NCS1: variants seen among roughly 807,000 people sequenced by gnomAD.
NCS1 encodes frequenin homolog.
Under a neutral mutation model 28.4 loss-of-function variants are expected in NCS1, and 6 were observed. That is an observed-to-expected ratio of 0.21 (90% CI 0.12 to 0.42). The LOEUF (loss-of-function observed/expected upper bound fraction) is 0.42, where lower values mean the gene tolerates loss of function less well. Among genes scored for constraint, NCS1 ranks in the 10% least tolerant of loss-of-function variants. NCS1 has a pLI of 1.00. For synonymous variants in NCS1, 86 were observed against 99.3 expected (o/e 0.87, Z 0.79); for missense variants, 131 against 241.4 (o/e 0.54, Z 3.03).
intron 2 of NCS1, among the ~76,000 whole-genome samples, chr9:130,203,164 T>TCTCTCTGC (rs1832980863): frequency 6.7e-6 from 1 of 148,200 alleles, no homozygotes; most frequent in Non-Finnish European, 1.5e-5. Flanking sequence ...TGAGACAGAG[T>TCTCTCTGC]CTCTCTGCTC....
chr9:130,222,303 G>A (rs1588124975), intron 4 of NCS1, among the ~76,000 whole-genome samples: 2 of 151,338 alleles, frequency 1.3e-5, no homozygotes, highest in African/African-American at 4.9e-5. Context: ...TACAGGCACC[G>A]CCACCAGGCC....
rs1161864565 is a variant in NCS1, at chr9:130,226,246, C to T, written c.475-143C>T. Reference sequence around the variant, plus strand: ...CATGAGTGCCGAGGTCTGTCTGGTGCTGGCTGCTTGTAGGCCCTGAGCCAC... The same window carrying T: ...CATGAGTGCCGAGGTCTGTCTGGTGTTGGCTGCTTGTAGGCCCTGAGCCAC... On this transcript the variant is annotated intron_variant, in intron 6 of 7. Coordinates refer to ENST00000372398, the MANE Select transcript of NCS1 (RefSeq NM_014286.4). The surrounding 1 kb of genome is among the most constrained non-coding windows in gnomAD (Gnocchi z 4.8). 3 of 708,002 alleles carry T rather than the reference C, an allele frequency of 4.2e-6. No homozygotes were observed. The highest frequency in any genetic ancestry group is 1.8e-5 in the African/African-American group (1 of 57,064). The allele number at this position is 708,002 out of a possible 1,614,324, so 43.9% of individuals were successfully genotyped here.
intron 2 of NCS1, among the ~76,000 whole-genome samples, chr9:130,203,491 G>T (rs1554907700): frequency 6.6e-6 from 1 of 152,192 alleles, no homozygotes; most frequent in Non-Finnish European, 1.5e-5. Context: ...ATCTCCCAAG[G>T]AGGGCCAGGG....
At chr9:130,198,035 C>G (rs13296205) in intron 1 of NCS1, among the ~76,000 whole-genome samples, 10,116 of 151,562 alleles carry the variant, frequency 0.067, 418 homozygotes, top group Middle Eastern at 0.11. Flanking sequence ...TGGGCCCTGG[C>G]TGGGTGCCAG....
At chr9:130,203,152 C>G (rs1286104467) in intron 2 of NCS1, among the ~76,000 whole-genome samples, 1 of 71,438 alleles carries the variant, frequency 1.4e-5, no homozygotes, top group Non-Finnish European at 3.1e-5. Flanking sequence ...TTTTTTTTTT[C>G]TTGAGACAGA....
Position 130,204,117 on chromosome 9 carries a change from C to T in NCS1, c.89+3135C>T, listed in dbSNP as rs372982784. Among the ~76,000 whole-genome samples the T allele has an allele frequency of 2.0e-3, 301 of 152,184 alleles. 1 individual carries two copies. The highest frequency in any genetic ancestry group is 7.1e-3 in the African/African-American group (293 of 41,504). Reference sequence around the variant, plus strand: ...ATGCGAATCTCCTGCCTCAGCCTCCCAAGTAGCTGGGATTACAGGTGCACA... The same window carrying T: ...ATGCGAATCTCCTGCCTCAGCCTCCTAAGTAGCTGGGATTACAGGTGCACA... On this transcript the variant is annotated intron_variant, in intron 2 of 7. Transcript: ENST00000372398.
At chr9:130,220,030 G>C (rs1369575692) in intron 4 of NCS1, among the ~76,000 whole-genome samples, 1 of 152,254 alleles carries the variant, frequency 6.6e-6, no homozygotes, top group African/African-American at 2.4e-5. Flanking sequence ...GAGCAGCGCA[G>C]ACATCTGTGC....
chr9:130,173,461 GC>G (rs1440151111), intron 1 of NCS1, among the ~76,000 whole-genome samples: 1 of 152,154 alleles, frequency 6.6e-6, no homozygotes, highest in Non-Finnish European at 1.5e-5. Context: ...CCCTCCACTT[GC>G]CTAACTTCAC....
At chr9:130,206,705 C>T (rs117321431) in intron 2 of NCS1, among the ~76,000 whole-genome samples, 203 of 152,212 alleles carry the variant, frequency 1.3e-3, no homozygotes, top group Non-Finnish European at 2.2e-3. Context: ...CCACCGCGCC[C>T]GGCCCCGTTC....
intron 2 of NCS1, among the ~76,000 whole-genome samples, chr9:130,210,172 G>A (rs1564710305): frequency 6.6e-6 from 1 of 151,982 alleles, no homozygotes. Context: ...AGGTTGAGGC[G>A]GCCAGATCAT....
chr9:130,175,225 A>G lies in NCS1; in HGVS notation c.64+2498A>G, dbSNP rs1832547847. On this transcript the variant is annotated intron_variant, in intron 1 of 7. Transcript: ENST00000372398. This position sits in a 1 kb window ranked among gnomAD's most constrained non-coding sequence, Gnocchi z 4.9. The stretch of plus-strand genomic sequence containing the variant: ...CCTTTAGTAGGTTCACAGAATGAAA[A>G]GTCTCCCAACAGGACAAGCAGAGAA... Among the ~76,000 whole-genome samples the G allele has an allele frequency of 6.6e-6, 1 of 152,078 alleles. No individual in the cohort carries two copies. Among genetic ancestry groups the G allele is most frequent in the South Asian group, 2.1e-4 (1 of 4,828 alleles).
In NCS1 at chr9:130,176,677, G is replaced by A. The variant is rs140448035; in HGVS notation, c.64+3950G>A. Reference sequence around the variant, plus strand: ...AATCCCAGCAGGGGCCTGCTCTTACGTGTAGCGGCCTCCGCAGCCCCACTT... The same window carrying A: ...AATCCCAGCAGGGGCCTGCTCTTACATGTAGCGGCCTCCGCAGCCCCACTT... On this transcript the variant is annotated intron_variant, in intron 1 of 7. Coordinates refer to ENST00000372398, the MANE Select transcript of NCS1 (RefSeq NM_014286.4). Among the ~76,000 whole-genome samples, 8 of 152,324 alleles carry A rather than the reference G, an allele frequency of 5.3e-5. No individual in the cohort carries two copies. In the East Asian group the frequency reaches 7.7e-4, roughly 15 times the overall value.
At chr9:130,185,195 G>A (rs1280220992) in intron 1 of NCS1, among the ~76,000 whole-genome samples, 1 of 152,152 alleles carries the variant, frequency 6.6e-6, no homozygotes, top group African/African-American at 2.4e-5. Flanking sequence ...ATGTTTCATA[G>A]TCCCCCTTGA....
chr9:130,183,471 G>C (rs1483197034), intron 1 of NCS1, among the ~76,000 whole-genome samples: 2 of 152,182 alleles, frequency 1.3e-5, no homozygotes, highest in Non-Finnish European at 2.9e-5. Flanking sequence ...TGGCTTTGAG[G>C]AATGTTTAAC....
chr9:130,211,764 C>T (rs1014165153), intron 2 of NCS1, among the ~76,000 whole-genome samples: 1 of 152,108 alleles, frequency 6.6e-6, no homozygotes, highest in Non-Finnish European at 1.5e-5. Flanking sequence ...CAGGAGTGGG[C>T]GGTGCAGGTT....
At chr9:130,199,897 G>GTTCA (rs71499223) in intron 1 of NCS1, among the ~76,000 whole-genome samples, 6,808 of 150,592 alleles carry the variant, frequency 0.045, 211 homozygotes, top group South Asian at 0.06. Flanking sequence ...CTGTTCATGT[G>GTTCA]TTCATTCATT....
At chr9:130,210,100 G>C (rs1833091924) in intron 2 of NCS1, among the ~76,000 whole-genome samples, 1 of 152,108 alleles carries the variant, frequency 6.6e-6, no homozygotes, top group Non-Finnish European at 1.5e-5. Flanking sequence ...AGGAGACTGG[G>C]TATTAGGAAG....
Position 130,186,914 on chromosome 9 carries a change from A to G in NCS1, c.65-14044A>G, listed in dbSNP as rs539238060. Among the ~76,000 whole-genome samples the G allele has an allele frequency of 6.6e-6, 1 of 152,342 alleles. No individual in the cohort carries two copies. Among genetic ancestry groups the G allele is most frequent in the South Asian group, 2.1e-4 (1 of 4,832 alleles). On this transcript the variant is annotated intron_variant, in intron 1 of 7. Transcript: ENST00000372398. This position sits in a 1 kb window ranked among gnomAD's most constrained non-coding sequence, Gnocchi z 4.1. ...CACGAGGGGCACTGACGAGCGATTG[A>G]GCAGCTCAGAGGTGAGCTTATGTGG...
intron 1 of NCS1, among the ~76,000 whole-genome samples, chr9:130,197,039 C>T (rs2058365): frequency 0.95 from 144,681 of 152,310 alleles, 68,739 homozygotes; most frequent in East Asian, 1. Flanking sequence ...TCCCACAGCC[C>T]GGATTTGTCT....
Sources: allele counts gnomAD v4.1 joint callset (sites outside exome capture counted in the v4.1 genomes callset), GRCh38; gene constraint gnomAD v4.1.1; non-coding constraint Gnocchi (gnomAD v3.1); transcripts MANE v1.5; gene names NCBI Gene and HGNC (gene_info 2026-07-23, HGNC 2026-07-21).